Variants in GRIP2 observed in about 807,000 individuals in gnomAD.
GRIP2 encodes glutamate receptor-interacting protein 2.
In GRIP2, 58 loss-of-function variants were observed where a neutral mutation model predicts 108.3. The ratio of observed to expected loss-of-function variants is 0.54; its 90% CI spans 0.43 to 0.67. The LOEUF (loss-of-function observed/expected upper bound fraction) is 0.67, where lower values mean the gene tolerates loss of function less well. Among genes scored for constraint, GRIP2 ranks in the 30% least tolerant of loss-of-function variants. The pLI, the probability that GRIP2 is intolerant of heterozygous loss-of-function variation, is 0.00. For missense variants in GRIP2, 1,278 were observed against 1,430.6 expected, an observed-to-expected ratio of 0.89 and a Z score of 1.72; for synonymous variants, 586 against 598.2, an observed-to-expected ratio of 0.98 and a Z score of 0.30.
At chr3:14,576,966 CTAAT>C in the GRIP2 span, among the ~76,000 whole-genome samples, 506 of 152,310 alleles carry the variant, frequency 3.3e-3, 2 homozygotes, top group African/African-American at 0.012. Context: ...GAAGCCTTTC[CTAAT>C]TAAAGTTTGT....
At chr3:14,526,666 A>G (rs1694562582) in intron 1 of GRIP2, among the ~76,000 whole-genome samples, 1 of 152,130 alleles carries the variant, frequency 6.6e-6, no homozygotes, top group South Asian at 2.1e-4. Flanking sequence ...TTTACTCTCC[A>G]TGACCCACAT....
the GRIP2 span, among the ~76,000 whole-genome samples, chr3:14,600,347 C>T: frequency 6.6e-6 from 1 of 152,230 alleles, no homozygotes; most frequent in African/African-American, 2.4e-5. Context: ...TTGACTCTTT[C>T]TGACCACCCC....
the GRIP2 span, among the ~76,000 whole-genome samples, chr3:14,570,809 C>T: frequency 6.6e-6 from 1 of 152,206 alleles, no homozygotes; most frequent in African/African-American, 2.4e-5. Flanking sequence ...AGCTGGCGCT[C>T]GACCTGATGT....
At chr3:14,561,507 T>C in the GRIP2 span, among the ~76,000 whole-genome samples, 3 of 152,200 alleles carry the variant, frequency 2.0e-5, no homozygotes, top group African/African-American at 7.2e-5. Flanking sequence ...AACACAGGAC[T>C]ATCTGGCTCT....
Position 14,513,684 on chromosome 3 carries a change from C to T in GRIP2, c.1620G>A (p.Glu540=), listed in dbSNP as rs1240004307. The T allele has an allele frequency of 3.7e-6, 6 of 1,610,604 alleles. No homozygotes were observed. The highest frequency in any genetic ancestry group is 5.1e-6 in the Non-Finnish European group (6 of 1,178,634). ...ACTCACCCGCCACATCGAACTCCACCTCCAGCACGACCTTGTGGGCCAGTG... is the reference window on the plus strand; with the variant it reads ...ACTCACCCGCCACATCGAACTCCACTTCCAGCACGACCTTGTGGGCCAGTG... ...DAALAHKVVL[E]VEFDVAESVI... The change falls in exon 13 of 24, where the codon GAG becomes GAA. Residue 540 remains glutamate, a synonymous_variant. Transcript: ENST00000621039.
chr3:14,559,860 G>T (rs1321793141), upstream of GRIP2, among the ~76,000 whole-genome samples: 2 of 152,206 alleles, frequency 1.3e-5, no homozygotes, highest in Non-Finnish European at 2.9e-5. Flanking sequence ...TCATAGTGCT[G>T]CAGGAAAAGA....
At position 14,494,842 on chromosome 3, in the gene GRIP2, C is replaced by T; in HGVS notation, c.2970+1G>A. 2 of 1,610,068 alleles carry T rather than the reference C, an allele frequency of 1.2e-6. No individual in the cohort carries two copies. Among genetic ancestry groups the T allele is most frequent in the South Asian group, 1.1e-5 (1 of 90,758 alleles). On this transcript the variant is annotated splice_donor_variant, in intron 23 of 23. Transcript: ENST00000621039. LOFTEE classifies it high-confidence loss of function. ...CTATGGAGCCCCTGCCCCAGCATTA[C>T]CTGCAGGACCCTGTCGAAGGGCTGG...
At position 14,521,512 on chromosome 3, in the gene GRIP2, G is replaced by T. The variant is rs1416452794; in HGVS notation, c.712+130C>A. 3 of 962,906 alleles carry T rather than the reference G, an allele frequency of 3.1e-6. No homozygotes were observed. The highest frequency in any genetic ancestry group is 6.1e-5 in the Admixed American group (2 of 32,830). 59.6% of individuals were successfully genotyped at this position (962,906 alleles called of 1,614,324 possible). On this transcript the variant is annotated intron_variant, in intron 7 of 23. Transcript: ENST00000621039. This position sits in a 1 kb window ranked among gnomAD's most constrained non-coding sequence, Gnocchi z 5.1. ...TAGCACATACTATTTACTGCCCAGA[G>T]AAGCTGTGACTGGCCCAAGGTCATA...
chr3:14,509,459 G>A (rs927668139), intron 17 of GRIP2, among the ~76,000 whole-genome samples: 1 of 152,240 alleles, frequency 6.6e-6, no homozygotes, highest in East Asian at 1.9e-4. Context: ...GCAGTGCTGG[G>A]ACCAGGGTAC....
At chr3:14,591,698 C>T in the GRIP2 span, among the ~76,000 whole-genome samples, 9 of 152,172 alleles carry the variant, frequency 5.9e-5, no homozygotes, top group Admixed American at 4.6e-4. Flanking sequence ...TGCCTCTTGC[C>T]TTCTTTTCCA....
At chr3:14,590,061 G>T in the GRIP2 span, among the ~76,000 whole-genome samples, 1 of 152,106 alleles carries the variant, frequency 6.6e-6, no homozygotes, top group Admixed American at 6.5e-5. Flanking sequence ...CAAAGTGGTA[G>T]GATTACAGGG....
At chr3:14,515,352 A>G (rs1300165678) in intron 11 of GRIP2, among the ~76,000 whole-genome samples, 1 of 152,218 alleles carries the variant, frequency 6.6e-6, no homozygotes, top group Non-Finnish European at 1.5e-5. Context: ...TCTCTTGGGC[A>G]TATACCTAGG....
intron 21 of GRIP2, among the ~76,000 whole-genome samples, chr3:14,498,342 G>A (rs1362484838): frequency 6.6e-6 from 1 of 152,064 alleles, no homozygotes; most frequent in East Asian, 1.9e-4. Flanking sequence ...GCATGTCTGT[G>A]GTCCCAGCTA....
chr3:14,574,760 A>C, the GRIP2 span: 2 of 397,966 alleles, frequency 5.0e-6, no homozygotes, highest in East Asian at 5.7e-5. Context: ...CTGCGGCTGC[A>C]TGGAAGCTCA....
chr3:14,508,328 A>G (rs1262220552), intron 17 of GRIP2, among the ~76,000 whole-genome samples: 1 of 152,204 alleles, frequency 6.6e-6, no homozygotes, highest in Non-Finnish European at 1.5e-5. Context: ...TTGAAAATGC[A>G]GGTGCCTGGG....
At chr3:14,572,676 C>G in the GRIP2 span, among the ~76,000 whole-genome samples, 1 of 149,250 alleles carries the variant, frequency 6.7e-6, no homozygotes, top group African/African-American at 2.5e-5. Flanking sequence ...ATAATAAATG[C>G]CCAGCAGTAC....
upstream of GRIP2, among the ~76,000 whole-genome samples, chr3:14,545,826 A>G (rs1695049289): frequency 6.6e-6 from 1 of 152,170 alleles, no homozygotes; most frequent in Non-Finnish European, 1.5e-5. Context: ...CTCAGAGAAT[A>G]TTTACTAAGC....
At chr3:14,597,565 TA>T in the GRIP2 span, among the ~76,000 whole-genome samples, 13 of 151,854 alleles carry the variant, frequency 8.6e-5, no homozygotes, top group Admixed American at 4.6e-4. Context: ...TTGGTTTTTT[TA>T]AAAAAAAATT....
At chr3:14,502,503 A>AAG (rs532027571) in intron 21 of GRIP2, among the ~76,000 whole-genome samples, 26 of 151,640 alleles carry the variant, frequency 1.7e-4, no homozygotes, top group Middle Eastern at 3.4e-3. Flanking sequence ...CAAAAAAAAA[A>AAG]AGAGAGAGAG....
Sources: gnomAD v4.1 joint callset for allele counts (sites outside exome capture counted in the v4.1 genomes callset) on GRCh38, gnomAD v4.1.1 for gene constraint, Gnocchi (gnomAD v3.1) non-coding constraint, MANE v1.5 for transcripts, NCBI Gene and HGNC (gene_info 2026-07-23, HGNC 2026-07-21) for gene names.